TMEM62: variants seen among roughly 807,000 people sequenced by gnomAD.
The protein encoded by TMEM62 is transmembrane protein 62.
TMEM62 carries 41 observed loss-of-function variants against 70.4 expected under a neutral mutation model. That is an observed-to-expected ratio of 0.58 (90% CI 0.45 to 0.76). TMEM62 has a LOEUF of 0.76. Ranked by LOEUF, TMEM62 falls within the 30% of genes least tolerant of loss-of-function variation. The pLI is 0.00. For missense variants in TMEM62, 688 were observed against 788.5 expected, an observed-to-expected ratio of 0.87 and a Z score of 1.53; for synonymous variants, 268 against 291.0, an observed-to-expected ratio of 0.92 and a Z score of 0.80.
At chr15:43,176,343 G>T (rs2040740797) in intron 11 of TMEM62, among the ~76,000 whole-genome samples, 2 of 152,212 alleles carry the variant, frequency 1.3e-5, no homozygotes, top group African/African-American at 2.4e-5. Context: ...GGTTCTCCCA[G>T]CACGCAGCTG....
intron 11 of TMEM62, 128 bp from the exon 12 acceptor site, chr15:43,178,479 A>T (rs1343254961): frequency 3.3e-6 from 2 of 604,230 alleles, no homozygotes; most frequent in African/African-American, 3.7e-5. Flanking sequence ...TGTCATCTGT[A>T]TAGTTACCAT....
intron 9 of TMEM62, chr15:43,160,343 G>A (rs1378438647): frequency 5.9e-6 from 1 of 170,438 alleles, no homozygotes; most frequent in East Asian, 1.6e-4. Flanking sequence ...TTGAGGCCAG[G>A]AGTTCAAGAC....
chr15:43,184,992 G>A lies in TMEM62; in HGVS notation c.*406G>A, dbSNP rs143769138. The A allele has an allele frequency of 1.2e-3, 307 of 251,192 alleles. 1 individual carries two copies. The highest frequency in any genetic ancestry group is 5.3e-3 in the African/African-American group (233 of 44,146). The allele number at this position is 251,192 out of a possible 1,614,324, so 15.6% of individuals were successfully genotyped here. On this transcript the variant is annotated 3_prime_UTR_variant, in exon 14 of 14. Coordinates refer to ENST00000260403, the MANE Select transcript of TMEM62 (RefSeq NM_024956.4). ...CAGCTGTCAAAGGTGCAATTTCAGG[G>A]GCAGGGAACCTTTGAGGATCTGGGC...
At chr15:43,170,017 CTCTG>C (rs2040019560) in intron 11 of TMEM62, among the ~76,000 whole-genome samples, 1 of 152,168 alleles carries the variant, frequency 6.6e-6, no homozygotes, top group Admixed American at 6.5e-5. Context: ...AGGACTGAGG[CTCTG>C]TCTAAAACTT....
rs865780778 is a variant in TMEM62, at chr15:43,184,826, G to T, written c.*240G>T. On this transcript the variant is annotated 3_prime_UTR_variant, in exon 14 of 14. Transcript: ENST00000260403. The stretch of plus-strand genomic sequence containing the variant: ...TCCCTCCCTAAGGAGGCAAAGAGTT[G>T]ATTTACCTTTGTGAAGAGAAAACCC... 1.4e-5 allele frequency: 8 copies of T among 553,886 alleles called. No individual in the cohort carries two copies. The highest frequency in any genetic ancestry group is 1.3e-4 in the African/African-American group (7 of 53,282). 34.3% of individuals were successfully genotyped at this position (553,886 alleles called of 1,614,324 possible).
chr15:43,136,613 T>A (rs2141457155), intron 3 of TMEM62, among the ~76,000 whole-genome samples: 1 of 146,860 alleles, frequency 6.8e-6, no homozygotes, highest in Admixed American at 6.8e-5. Context: ...CCCAGTTAAT[T>A]TTTTTTTTTT....
At position 43,178,712 on chromosome 15, in the gene TMEM62, G is replaced by T. The variant is rs748734924; in HGVS notation, c.1486+1G>T. The T allele has an allele frequency of 1.3e-6, 2 of 1,580,246 alleles. No homozygotes were observed. Among genetic ancestry groups the T allele is most frequent in the Non-Finnish European group, 1.7e-6 (2 of 1,155,944 alleles). Reference sequence around the variant, plus strand: ...TTGTTGACCCTGTATACAGTGCTGGGTAAGTAAATTAGTACAGATTATGGG... The same window carrying T: ...TTGTTGACCCTGTATACAGTGCTGGTTAAGTAAATTAGTACAGATTATGGG... On this transcript the variant is annotated splice_donor_variant, in intron 12 of 13. Coordinates refer to ENST00000260403, the MANE Select transcript of TMEM62 (RefSeq NM_024956.4). LOFTEE classifies it high-confidence loss of function.
Position 43,133,905 on chromosome 15 carries a change from C to A in TMEM62, c.103C>A (p.Leu35Met). The change falls in exon 1 of 14, where the codon CTG (leucine) becomes ATG (methionine). Residue 35 changes from leucine to methionine, a missense_variant. Physicochemically the swap from Leu to Met is conservative, Grantham distance 15 (BLOSUM62 2). Transcript: ENST00000260403. ...CGGCCTGGCGGGCCAGCCCTCGCCG[C>A]TGCCGCGCCCCGCGCCCCCCAGGAG... ...HYGLAGQPSP[L>M]PRPAPPRRPH... 3 of 1,498,948 alleles carry A rather than the reference C, an allele frequency of 2.0e-6. No individual in the cohort carries two copies. Among genetic ancestry groups the A allele is most frequent in the Non-Finnish European group, 2.7e-6 (3 of 1,131,786 alleles). The allele number at this position is 1,498,948 out of a possible 1,614,324, so 92.9% of individuals were successfully genotyped here.
At chr15:43,155,487 C>A (rs887818506) in intron 9 of TMEM62, among the ~76,000 whole-genome samples, 2 of 151,912 alleles carry the variant, frequency 1.3e-5, no homozygotes, top group Non-Finnish European at 2.9e-5. Flanking sequence ...CAAAGCGAGA[C>A]CCTATCTCAA....
chr15:43,180,359 G>T (rs2041214114), intron 12 of TMEM62, among the ~76,000 whole-genome samples: 1 of 152,160 alleles, frequency 6.6e-6, no homozygotes, highest in Non-Finnish European at 1.5e-5. Flanking sequence ...CTGACCTCAG[G>T]TGATCTGCCG....
intron 8 of TMEM62, 28 bp from the exon 9 acceptor site, chr15:43,154,644 A>G (rs751313468): frequency 1.3e-6 from 2 of 1,577,848 alleles, no homozygotes; most frequent in Non-Finnish European, 1.7e-6. Context: ...ACCTCAAACC[A>G]TGTGTTTTAT....
intron 7 of TMEM62, among the ~76,000 whole-genome samples, chr15:43,151,026 C>T (rs982593747): frequency 2.0e-5 from 3 of 152,176 alleles, no homozygotes; most frequent in Non-Finnish European, 2.9e-5. Flanking sequence ...ATGAAAACAA[C>T]TTTAATTTCT....
chr15:43,169,471 G>A, intron 10 of TMEM62, 122 bp from the exon 11 acceptor site: 1 of 789,392 alleles, frequency 1.3e-6, no homozygotes, highest in Non-Finnish European at 2.1e-6. Flanking sequence ...ACCAAAATAT[G>A]TATTTCTTAT....
At chr15:43,173,175 A>G (rs1417396942) in intron 11 of TMEM62, among the ~76,000 whole-genome samples, 2 of 152,214 alleles carry the variant, frequency 1.3e-5, no homozygotes, top group Non-Finnish European at 2.9e-5. Flanking sequence ...CAGCCTGGGC[A>G]AAATAGTGAG....
intron 7 of TMEM62, among the ~76,000 whole-genome samples, chr15:43,150,710 T>A (rs2037257662): frequency 6.6e-6 from 1 of 152,192 alleles, no homozygotes; most frequent in African/African-American, 2.4e-5. Context: ...AAAATTCCTA[T>A]TTCGACATGT....
chr15:43,143,775 G>T (rs900559777), intron 4 of TMEM62, among the ~76,000 whole-genome samples: 6 of 152,164 alleles, frequency 3.9e-5, no homozygotes, highest in Non-Finnish European at 5.9e-5. Context: ...GAAACCAATT[G>T]TCTAGTTTCA....
At position 43,133,919 on chromosome 15, in the gene TMEM62, G is replaced by A. The variant is rs1567167821; in HGVS notation, c.117G>A (p.Ala39=). The change falls in exon 1 of 14, where the codon GCG becomes GCA. Residue 39 remains alanine, a synonymous_variant. Coordinates refer to ENST00000260403, the MANE Select transcript of TMEM62 (RefSeq NM_024956.4). ...AGCCCTCGCCGCTGCCGCGCCCCGC[G>A]CCCCCCAGGAGGCCGCACCCTGCGC... ...AGQPSPLPRP[A]PPRRPHPAPG... 7 of 1,492,062 alleles carry A rather than the reference G, an allele frequency of 4.7e-6. No homozygotes were observed. The South Asian group carries it at 6.4e-5, about 14-fold the overall frequency. The allele number at this position is 1,492,062 out of a possible 1,614,324, so 92.4% of individuals were successfully genotyped here. A position where few individuals can be genotyped will look rare whatever the true frequency, so the allele number is the denominator to read the frequency against.
chr15:43,146,357 G>A, intron 4 of TMEM62, 136 bp from the exon 5 acceptor site: 1 of 779,692 alleles, frequency 1.3e-6, no homozygotes. Flanking sequence ...TATCCATTGT[G>A]GATCTAGTTT....
intron 13 of TMEM62, among the ~76,000 whole-genome samples, chr15:43,183,896 C>A (rs2041631776): frequency 6.6e-6 from 1 of 152,140 alleles, no homozygotes; most frequent in Non-Finnish European, 1.5e-5. Flanking sequence ...AAAAAAAATA[C>A]TGATAGCCAA....
Sources: gnomAD v4.1 joint callset for allele counts (sites outside exome capture counted in the v4.1 genomes callset) on GRCh38, gnomAD v4.1.1 for gene constraint, MANE v1.5 for transcripts, NCBI Gene and HGNC (gene_info 2026-07-23, HGNC 2026-07-21) for gene names.